Variants in MTPN observed in about 807,000 individuals in gnomAD.
The protein encoded by MTPN is granule cell differentiation protein.
In MTPN, 2 loss-of-function variants were observed where a neutral mutation model predicts 13.5. The ratio of observed to expected loss-of-function variants is 0.15; its 90% CI spans 0.06 to 0.47. MTPN has a LOEUF of 0.47. Ranked by LOEUF, MTPN falls within the 20% of genes least tolerant of loss-of-function variation. MTPN has a pLI of 0.97. For missense variants in MTPN, 79 were observed against 137.9 expected, an observed-to-expected ratio of 0.57 and a Z score of 2.14; for synonymous variants, 46 against 51.7, an observed-to-expected ratio of 0.89 and a Z score of 0.48.
At chr7:135,969,249 A>G (rs1002683856) in intron 1 of MTPN, among the ~76,000 whole-genome samples, 1 of 149,074 alleles carries the variant, frequency 6.7e-6, no homozygotes, top group Non-Finnish European at 1.5e-5. Context: ...AAAAAAAAAA[A>G]AAAAGAAAAA....
intron 1 of MTPN, among the ~76,000 whole-genome samples, chr7:135,970,120 C>T (rs764352143): frequency 2.0e-5 from 3 of 151,986 alleles, no homozygotes; most frequent in African/African-American, 4.8e-5. Context: ...GTTTATCATA[C>T]GGGAATAGTT....
chr7:135,937,400 C>CAA (rs1799132417), intron 3 of MTPN, among the ~76,000 whole-genome samples: 1 of 148,756 alleles, frequency 6.7e-6, no homozygotes, highest in Admixed American at 6.6e-5. Context: ...CACACACACA[C>CAA]AAAACCTCTC....
intron 1 of MTPN, among the ~76,000 whole-genome samples, chr7:135,976,273 T>C (rs112267787): frequency 1.5e-3 from 227 of 152,308 alleles, no homozygotes; most frequent in Non-Finnish European, 2.7e-3. Flanking sequence ...CCAAATACAC[T>C]GCCACTAAAC....
chr7:135,934,174 G>A (rs772378411), intron 3 of MTPN, among the ~76,000 whole-genome samples: 2 of 151,970 alleles, frequency 1.3e-5, no homozygotes, highest in Non-Finnish European at 2.9e-5. Context: ...TACTCTTAAG[G>A]TAAATTGCTA....
intron 3 of MTPN, chr7:135,933,000 G>C (rs1293956277): frequency 1.4e-5 from 2 of 146,728 alleles, no homozygotes; most frequent in Admixed American, 1.4e-4. Context: ...TAAGGCATGA[G>C]AATCACTTGA....
At position 135,928,574 on chromosome 7, in the gene MTPN, AG is replaced by A. The variant is rs997687065; in HGVS notation, c.*1351del. 1 of 167,006 alleles carries A rather than the reference AG, an allele frequency of 6.0e-6. No homozygotes were observed. The highest frequency in any genetic ancestry group is 2.4e-5 in the African/African-American group (1 of 41,450). The allele number at this position is 167,006 out of a possible 1,614,324, so 10.3% of individuals were successfully genotyped here. ...TTTTAGCAAGCTTATATGGATGGCA[AG>A]TCAAAGGAATCTTAATATTTTAAAT... On this transcript the variant is annotated 3_prime_UTR_variant, in exon 4 of 4. Coordinates refer to ENST00000393085, the MANE Select transcript of MTPN (RefSeq NM_145808.4).
Position 135,950,604 on chromosome 7 carries a change from A to T in MTPN, c.265T>A (p.Ser89Thr), listed in dbSNP as rs769520655. ...GHVSCVKLLL[S>T]KGADKTVKGP... ...CTATTAGCAATTGACCTCACCTTTG[A>T]CAGAAGCAATTTCACACAGGAAACA... Residue 89 changes from serine to threonine, a missense_variant, in exon 3 of 4, where the codon TCA becomes ACA. By Grantham distance (58) the Ser-to-Thr change is moderately conservative. Transcript: ENST00000393085. 1.2e-6 allele frequency: 2 copies of T among 1,611,524 alleles called. No individual in the cohort carries two copies. Among genetic ancestry groups the T allele is most frequent in the Non-Finnish European group, 1.7e-6 (2 of 1,177,726 alleles).
chr7:135,941,355 C>T (rs546495742), intron 3 of MTPN, among the ~76,000 whole-genome samples: 6 of 101,508 alleles, frequency 5.9e-5, no homozygotes, highest in African/African-American at 2.0e-4. Context: ...CCAAGCTCCT[C>T]TATCTGCACC....
chr7:135,969,372 G>A (rs191787257), intron 1 of MTPN, among the ~76,000 whole-genome samples: 91 of 151,408 alleles, frequency 6.0e-4, no homozygotes, highest in African/African-American at 1.8e-3. Context: ...GAGCTTCTCA[G>A]TCTTACCAAT....
intron 1 of MTPN, among the ~76,000 whole-genome samples, chr7:135,955,215 G>T (rs188940377): frequency 1.3e-5 from 2 of 151,882 alleles, no homozygotes; most frequent in Non-Finnish European, 2.9e-5. Context: ...GATTTCAAAT[G>T]AATAATCTTT....
rs762718661 is a variant in MTPN, at chr7:135,951,638, GA to G, written c.73-9del. ...CCGGTTGACATCTTCTCCCTGATAA[GA>G]AAACCAAATGAAAACAATATTTATA... On this transcript the variant is annotated splice_polypyrimidine_tract_variant and intron_variant, in intron 1 of 3. Coordinates refer to ENST00000393085, the MANE Select transcript of MTPN (RefSeq NM_145808.4). 1.9e-6 allele frequency: 3 copies of G among 1,587,372 alleles called. No homozygotes were observed. Among genetic ancestry groups the G allele is most frequent in the Non-Finnish European group, 2.6e-6 (3 of 1,159,490 alleles).
intron 3 of MTPN, among the ~76,000 whole-genome samples, chr7:135,948,990 T>A (rs1368274500): frequency 6.6e-6 from 1 of 152,062 alleles, no homozygotes; most frequent in Non-Finnish European, 1.5e-5. Context: ...AGCTAGCAGA[T>A]AGGCTGAAGC....
At chr7:135,971,563 A>T (rs1799694027) in intron 1 of MTPN, among the ~76,000 whole-genome samples, 1 of 152,210 alleles carries the variant, frequency 6.6e-6, no homozygotes, top group Admixed American at 6.5e-5. Context: ...AAGTGAGTTC[A>T]CATCTCAGCT....
At chr7:135,946,678 A>T (rs1455620100) in intron 3 of MTPN, among the ~76,000 whole-genome samples, 1 of 152,168 alleles carries the variant, frequency 6.6e-6, no homozygotes, top group Non-Finnish European at 1.5e-5. Context: ...CCTTTTAAAT[A>T]TCCTTTTCAT....
At chr7:135,969,941 T>C (rs1305697773) in intron 1 of MTPN, among the ~76,000 whole-genome samples, 8 of 152,238 alleles carry the variant, frequency 5.3e-5, no homozygotes, top group African/African-American at 1.9e-4. Flanking sequence ...TGCCCAGTGC[T>C]GTTGATGGTG....
chr7:135,949,916 C>G (rs1380231773), intron 3 of MTPN, among the ~76,000 whole-genome samples: 1 of 152,100 alleles, frequency 6.6e-6, no homozygotes, highest in Non-Finnish European at 1.5e-5. Context: ...CATAAAATGA[C>G]AAGGCTGGGA....
At chr7:135,963,104 A>G (rs562377281) in intron 1 of MTPN, among the ~76,000 whole-genome samples, 3 of 152,196 alleles carry the variant, frequency 2.0e-5, no homozygotes, top group Admixed American at 6.5e-5. Context: ...AGAAAGCAGC[A>G]AAAGTATTAA....
At chr7:135,976,928 C>CA in intron 1 of MTPN, 101 bp downstream of exon 1, 1 of 444,444 alleles carries the variant, frequency 2.3e-6, no homozygotes, top group Non-Finnish European at 4.7e-6. Context: ...AGTCTCTCCT[C>CA]CCGCCCACCC....
intron 3 of MTPN, among the ~76,000 whole-genome samples, chr7:135,949,034 T>A (rs1372689310): frequency 6.6e-6 from 1 of 152,126 alleles, no homozygotes; most frequent in African/African-American, 2.4e-5. Flanking sequence ...GGAAGAGACC[T>A]GGGACAGGCC....
Sources: gnomAD v4.1 joint callset for allele counts (sites outside exome capture counted in the v4.1 genomes callset) on GRCh38, gnomAD v4.1.1 for gene constraint, MANE v1.5 for transcripts, NCBI Gene and HGNC (gene_info 2026-07-23, HGNC 2026-07-21) for gene names.